GRID1: variants seen among roughly 807,000 people sequenced by gnomAD.
GRID1 encodes glutamate receptor ionotropic, delta-1.
GRID1 carries 28 observed loss-of-function variants against 98.0 expected under a neutral mutation model. The ratio of observed to expected loss-of-function variants is 0.29; its 90% CI spans 0.21 to 0.39. The LOEUF (loss-of-function observed/expected upper bound fraction) is 0.39, where lower values mean the gene tolerates loss of function less well. Among genes scored for constraint, GRID1 ranks in the 10% least tolerant of loss-of-function variants. The pLI, the probability that GRID1 is intolerant of heterozygous loss-of-function variation, is 1.00. For missense variants in GRID1, 1,111 were observed against 1,340.5 expected, an observed-to-expected ratio of 0.83 and a Z score of 2.67; for synonymous variants, 553 against 538.5, an observed-to-expected ratio of 1.03 and a Z score of -0.37.
chr10:85,964,263 T>C (rs1842308474), intron 4 of GRID1, among the ~76,000 whole-genome samples: 1 of 152,170 alleles, frequency 6.6e-6, no homozygotes, highest in Non-Finnish European at 1.5e-5. Context: ...ATTGACTTTC[T>C]TCAAAGAATT....
chr10:85,896,988 C>A (rs1373616758), intron 5 of GRID1, among the ~76,000 whole-genome samples: 1 of 152,120 alleles, frequency 6.6e-6, no homozygotes, highest in Non-Finnish European at 1.5e-5. Flanking sequence ...AATATTATTT[C>A]AAATGCTATT....
chr10:85,776,831 T>A (rs1278112110), intron 8 of GRID1, among the ~76,000 whole-genome samples: 1 of 152,176 alleles, frequency 6.6e-6, no homozygotes, highest in East Asian at 1.9e-4. Flanking sequence ...CTCAAATCTC[T>A]GCTGTGTCCA....
In GRID1 at chr10:86,060,987, G is replaced by A. The variant is rs181378277; in HGVS notation, c.726+77832C>T. ...GAGAAGGCAGAGCAGCCTCCACCCC[G>A]CAGGACTCCCTATGCCTCCCCAGTT... On this transcript the variant is annotated intron_variant, in intron 4 of 15. Coordinates refer to ENST00000327946, the MANE Select transcript of GRID1 (RefSeq NM_017551.3). 3.2e-3 allele frequency among the ~76,000 whole-genome samples: 489 copies of A among 152,190 alleles called. 5 individuals are homozygous for A. Among genetic ancestry groups the A allele is most frequent in the African/African-American group, 0.011 (458 of 41,516 alleles).
At chr10:86,022,917 CA>C (rs34518403) in intron 4 of GRID1, among the ~76,000 whole-genome samples, 1,871 of 112,608 alleles carry the variant, frequency 0.017, 28 homozygotes, top group African/African-American at 0.044. Context: ...GACTCCATCT[CA>C]AAAAAAAAAA....
chr10:85,607,014 T>C (rs532731067), intron 15 of GRID1: 2 of 152,298 alleles, frequency 1.3e-5, no homozygotes, highest in South Asian at 2.1e-4. Context: ...GAATATGATA[T>C]AAAATTCACA....
chr10:86,158,073 G>A (rs1371339940), intron 3 of GRID1, among the ~76,000 whole-genome samples: 1 of 152,172 alleles, frequency 6.6e-6, no homozygotes, highest in Admixed American at 6.5e-5. Flanking sequence ...GTCCCCCAAC[G>A]CAGTGCTTCT....
At chr10:86,165,568 G>A (rs988849083) in intron 3 of GRID1, among the ~76,000 whole-genome samples, 2 of 152,332 alleles carry the variant, frequency 1.3e-5, no homozygotes, top group Admixed American at 6.5e-5. Flanking sequence ...CCTGTGGCTG[G>A]CCTAGTCTAC....
intron 4 of GRID1, among the ~76,000 whole-genome samples, chr10:86,048,591 G>A (rs1843457615): frequency 6.6e-6 from 1 of 152,200 alleles, no homozygotes; most frequent in Admixed American, 6.5e-5. Context: ...CAGCACATGA[G>A]GCTCATGGCA....
At chr10:85,611,202 TTCTC>T (rs1842728859) in intron 15 of GRID1, among the ~76,000 whole-genome samples, 1 of 152,188 alleles carries the variant, frequency 6.6e-6, no homozygotes, top group Admixed American at 6.5e-5. Context: ...CTCTCTCTCT[TTCTC>T]TGTCTCTCTC....
chr10:85,788,327 T>C lies in GRID1; in HGVS notation c.1234-58713A>G, dbSNP rs529838973. Among the ~76,000 whole-genome samples, 8 of 152,186 alleles carry C rather than the reference T, an allele frequency of 5.3e-5. No individual in the cohort carries two copies. The South Asian group carries it at 1.7e-3, about 32-fold the overall frequency. On this transcript the variant is annotated intron_variant, in intron 8 of 15. Transcript: ENST00000327946. ...GCTCACGGTTGTCCGCAGTCCATGC[T>C]CCCAAAGCACACTTTGGAAGCCCCT...
At chr10:86,358,346 A>C (rs572284662) in intron 2 of GRID1, among the ~76,000 whole-genome samples, 1 of 152,352 alleles carries the variant, frequency 6.6e-6, no homozygotes, top group East Asian at 1.9e-4. Flanking sequence ...AGGTGTGCCA[A>C]CATGGTAGGA....
At chr10:86,355,056 C>G (rs1192376023) in intron 2 of GRID1, among the ~76,000 whole-genome samples, 1 of 152,214 alleles carries the variant, frequency 6.6e-6, no homozygotes, top group Non-Finnish European at 1.5e-5. Context: ...ACCACTCAGG[C>G]TAGTAAGATC....
At position 85,708,246 on chromosome 10, in the gene GRID1, T is replaced by C. The variant is rs186971326; in HGVS notation, c.1997+14757A>G. On this transcript the variant is annotated intron_variant, in intron 12 of 15. Coordinates refer to ENST00000327946, the MANE Select transcript of GRID1 (RefSeq NM_017551.3). Reference sequence around the variant, plus strand: ...AGTGAAACCCCATCTCAACTAAAAATATGAAAAATTAGCCAGGCGTGGTGG... The same window carrying C: ...AGTGAAACCCCATCTCAACTAAAAACATGAAAAATTAGCCAGGCGTGGTGG... Among the ~76,000 whole-genome samples the C allele has an allele frequency of 1.9e-3, 285 of 150,440 alleles. 1 individual carries two copies. The highest frequency in any genetic ancestry group is 6.6e-3 in the African/African-American group (271 of 41,004).
At position 85,635,269 on chromosome 10, in the gene GRID1, T is replaced by C. The variant is rs554799980; in HGVS notation, c.2193+11933A>G. On this transcript the variant is annotated intron_variant, in intron 13 of 15. Transcript: ENST00000327946. ...GGCACAGTGGGGGCTTTCCTTGACA[T>C]TTGGACTGTATTATCCCAAACCAAT... is the stretch of plus-strand genomic sequence containing the variant. Among the ~76,000 whole-genome samples the C allele has an allele frequency of 5.9e-5, 9 of 152,248 alleles. No homozygotes were observed. In the East Asian group the frequency reaches 1.2e-3, roughly 20 times the overall value.
intron 5 of GRID1, among the ~76,000 whole-genome samples, chr10:85,877,455 T>C (rs191246852): frequency 2.7e-4 from 41 of 152,302 alleles, no homozygotes; most frequent in African/African-American, 8.9e-4. Context: ...CAAAATCCAC[T>C]GTTCTACAGC....
intron 4 of GRID1, among the ~76,000 whole-genome samples, chr10:85,990,041 T>C (rs184026442): frequency 6.6e-6 from 1 of 152,332 alleles, no homozygotes; most frequent in East Asian, 1.9e-4. Flanking sequence ...CTGTCTGCAC[T>C]TGGATCTAGG....
At chr10:85,885,599 C>A (rs1365497724) in intron 5 of GRID1, among the ~76,000 whole-genome samples, 2 of 152,160 alleles carry the variant, frequency 1.3e-5, no homozygotes, top group Non-Finnish European at 1.5e-5. Flanking sequence ...AAGAGTTTCA[C>A]TAACTGTCAG....
At position 85,642,765 on chromosome 10, in the gene GRID1, C is replaced by A. The variant is rs145955489; in HGVS notation, c.2193+4437G>T. On this transcript the variant is annotated intron_variant, in intron 13 of 15. Coordinates refer to ENST00000327946, the MANE Select transcript of GRID1 (RefSeq NM_017551.3). ...GGCATGGTAAATCCTTTATTTGCAT[C>A]TTTTGCTACTGATTTTTTAACATTA... 2.2e-3 allele frequency among the ~76,000 whole-genome samples: 338 copies of A among 152,242 alleles called. 2 individuals are homozygous for A. The highest frequency in any genetic ancestry group is 7.9e-3 in the African/African-American group (330 of 41,528).
intron 8 of GRID1, among the ~76,000 whole-genome samples, chr10:85,842,166 C>T (rs1391657932): frequency 6.6e-6 from 1 of 152,066 alleles, no homozygotes; most frequent in Non-Finnish European, 1.5e-5. Context: ...AAGATCATGT[C>T]CCTTGCAAGG....
Sources: gnomAD v4.1 joint callset for allele counts (sites outside exome capture counted in the v4.1 genomes callset) on GRCh38, gnomAD v4.1.1 for gene constraint, MANE v1.5 for transcripts, NCBI Gene and HGNC (gene_info 2026-07-23, HGNC 2026-07-21) for gene names.